The following TENM4 variants were observed in gnomAD, a reference collection of about 807,000 sequenced individuals.
TENM4 encodes the protein teneurin transmembrane protein 4, also known as teneurin-4.
TENM4 carries 82 observed loss-of-function variants against 243.3 expected under a neutral mutation model. The ratio of observed to expected loss-of-function variants is 0.34; its 90% CI spans 0.28 to 0.40. The LOEUF is 0.40. TENM4 is among the 10% of genes least tolerant of loss of function. The pLI is 1.00. For synonymous variants in TENM4, 1,412 were observed against 1,456.3 expected, an observed-to-expected ratio of 0.97 and a Z score of 0.69; for missense variants, 3,138 against 3,673.3, an observed-to-expected ratio of 0.85 and a Z score of 3.77.
intron 15 of TENM4, among the ~76,000 whole-genome samples, chr11:78,792,998 G>C (rs1035844855): frequency 6.6e-6 from 1 of 152,130 alleles, no homozygotes; most frequent in Admixed American, 6.5e-5. Flanking sequence ...TTTGGCTCTT[G>C]GTTAATTATG....
chr11:79,226,609 A>G (rs1160029090), intron 2 of TENM4, among the ~76,000 whole-genome samples: 3 of 152,180 alleles, frequency 2.0e-5, no homozygotes, highest in African/African-American at 7.2e-5. Flanking sequence ...GAATGAACAG[A>G]ATCATTATAC....
At chr11:78,675,340 T>A (rs1858440831) in intron 30 of TENM4, among the ~76,000 whole-genome samples, 1 of 152,198 alleles carries the variant, frequency 6.6e-6, no homozygotes. Context: ...TTCTGGAATG[T>A]TAGGAACATG....
chr11:78,713,280 G>A (rs1859443503), intron 25 of TENM4, among the ~76,000 whole-genome samples: 1 of 152,142 alleles, frequency 6.6e-6, no homozygotes, highest in African/African-American at 2.4e-5. Context: ...CACTTATCAG[G>A]AGCCCAGGAG....
chr11:78,863,195 C>T, intron 9 of TENM4, 63 bp from the exon 10 acceptor site: 1 of 1,427,856 alleles, frequency 7.0e-7, no homozygotes, highest in Non-Finnish European at 9.3e-7. Flanking sequence ...ACTCCCAAGC[C>T]ATAAGGGAAA....
At chr11:78,947,429 G>T (rs1428168345) in intron 6 of TENM4, among the ~76,000 whole-genome samples, 1 of 152,142 alleles carries the variant, frequency 6.6e-6, no homozygotes, top group Non-Finnish European at 1.5e-5. Context: ...AGGGAGTGAG[G>T]TGGGGACAGG....
chr11:79,015,595 T>C (rs1003427238), intron 6 of TENM4, among the ~76,000 whole-genome samples: 4 of 152,064 alleles, frequency 2.6e-5, no homozygotes, highest in African/African-American at 9.7e-5. Context: ...AAAAATTATA[T>C]TGCAGCTTTC....
intron 6 of TENM4, among the ~76,000 whole-genome samples, chr11:79,000,766 C>T (rs1858301219): frequency 6.6e-6 from 1 of 152,240 alleles, no homozygotes; most frequent in African/African-American, 2.4e-5. Flanking sequence ...TGCAGCGGCT[C>T]ATGCCTGTAA....
intron 1 of TENM4, among the ~76,000 whole-genome samples, chr11:79,425,338 G>A (rs61884064): frequency 0.17 from 26,293 of 152,026 alleles, 2,413 homozygotes; most frequent in African/African-American, 0.2. Flanking sequence ...CAATGACAGG[G>A]AGCTCACTCC....
At chr11:79,015,544 T>C (rs1312905766) in intron 6 of TENM4, among the ~76,000 whole-genome samples, 1 of 151,812 alleles carries the variant, frequency 6.6e-6, no homozygotes, top group South Asian at 2.1e-4. Context: ...TGTTCAACTC[T>C]CCCACAGTGC....
intron 25 of TENM4, among the ~76,000 whole-genome samples, chr11:78,713,750 T>C (rs1452221834): frequency 6.6e-6 from 1 of 152,244 alleles, no homozygotes; most frequent in African/African-American, 2.4e-5. Flanking sequence ...TTACCAATGA[T>C]TGTGTCTCTT....
At chr11:79,164,470 GTA>G (rs1479480725) in intron 3 of TENM4, among the ~76,000 whole-genome samples, 9 of 123,688 alleles carry the variant, frequency 7.3e-5, no homozygotes, top group East Asian at 3.5e-4. Context: ...TATATATAGT[GTA>G]TATATATAGT....
At chr11:79,099,005 C>A (rs1449346747) in intron 4 of TENM4, among the ~76,000 whole-genome samples, 1 of 152,198 alleles carries the variant, frequency 6.6e-6, no homozygotes, top group Non-Finnish European at 1.5e-5. Context: ...AATGGCTTTG[C>A]AAACTGTTTA....
chr11:78,662,348 G>T (rs183975191), intron 32 of TENM4, among the ~76,000 whole-genome samples: 1 of 151,910 alleles, frequency 6.6e-6, no homozygotes. Flanking sequence ...CCGTCACCAG[G>T]CCCAGCTAAT....
intron 6 of TENM4, among the ~76,000 whole-genome samples, chr11:78,949,191 C>T (rs1472397656): frequency 1.3e-5 from 2 of 152,300 alleles, no homozygotes; most frequent in African/African-American, 2.4e-5. Flanking sequence ...TTACCAAAGT[C>T]GCCAGTGGTC....
intron 2 of TENM4, among the ~76,000 whole-genome samples, chr11:79,254,227 G>A (rs1400658856): frequency 6.6e-6 from 1 of 152,156 alleles, no homozygotes; most frequent in African/African-American, 2.4e-5. Context: ...ATAGGCATAT[G>A]TCACAGCAAA....
At chr11:79,372,205 C>T (rs1944449) in intron 1 of TENM4, among the ~76,000 whole-genome samples, 26,428 of 151,902 alleles carry the variant, frequency 0.17, 2,675 homozygotes, top group African/African-American at 0.28. Flanking sequence ...TTTTCCAATC[C>T]CAGTCTCAAA....
chr11:79,322,947 C>T lies in TENM4; in HGVS notation c.-320-25404G>A, dbSNP rs7930310. Among the ~76,000 whole-genome samples, 674 of 152,348 alleles carry T rather than the reference C, an allele frequency of 4.4e-3. 8 individuals carry two copies. The highest frequency in any genetic ancestry group is 0.016 in the African/African-American group (653 of 41,586). ...ACCTCCTGAAATAGTCTACAACATT[C>T]AGTGTCTCTTGGGGTGAACACAGTT... On this transcript the variant is annotated intron_variant, in intron 1 of 33. Coordinates refer to ENST00000278550, the MANE Select transcript of TENM4 (RefSeq NM_001098816.3).
intron 15 of TENM4, among the ~76,000 whole-genome samples, chr11:78,803,474 G>T (rs1269264454): frequency 1.3e-5 from 2 of 152,200 alleles, no homozygotes; most frequent in Non-Finnish European, 2.9e-5. Context: ...CCCAAAAAAA[G>T]ATTTGAACCC....
intron 2 of TENM4, among the ~76,000 whole-genome samples, chr11:79,271,505 A>G (rs949340364): frequency 1.3e-5 from 2 of 152,184 alleles, no homozygotes; most frequent in African/African-American, 2.4e-5. Flanking sequence ...TTGTGTCCCC[A>G]GGGCCACAGT....
Sources: gnomAD v4.1 joint callset for allele counts (sites outside exome capture counted in the v4.1 genomes callset) on GRCh38, gnomAD v4.1.1 for gene constraint, MANE v1.5 for transcripts, NCBI Gene and HGNC (gene_info 2026-07-23, HGNC 2026-07-21) for gene names.